The following TRIO variants were observed in gnomAD, a reference collection of about 807,000 sequenced individuals.
The protein encoded by TRIO is triple functional domain protein.
TRIO carries 58 observed loss-of-function variants against 351.9 expected under a neutral mutation model. That is an observed-to-expected ratio of 0.16 (90% CI 0.13 to 0.21). The LOEUF (loss-of-function observed/expected upper bound fraction) is 0.21, where lower values mean the gene tolerates loss of function less well. Among genes scored for constraint, TRIO ranks in the 10% least tolerant of loss-of-function variants. The pLI, the probability that TRIO is intolerant of heterozygous loss-of-function variation, is 1.00. For synonymous variants in TRIO, 1,758 were observed against 1,595.7 expected, an observed-to-expected ratio of 1.10 and a Z score of -2.42; for missense variants, 3,201 against 4,027.8, an observed-to-expected ratio of 0.79 and a Z score of 5.56.
intron 34 of TRIO, among the ~76,000 whole-genome samples, chr5:14,445,772 C>A (rs778305292): frequency 6.6e-5 from 10 of 152,196 alleles, no homozygotes; most frequent in Non-Finnish European, 1.5e-4. Flanking sequence ...TAAGAAGTGG[C>A]CCAAGGGCAC....
At chr5:14,384,585 GA>G (rs1746381430) in intron 21 of TRIO, among the ~76,000 whole-genome samples, 1 of 151,036 alleles carries the variant, frequency 6.6e-6, no homozygotes, top group South Asian at 2.1e-4. Flanking sequence ...AATGGCTTTG[GA>G]AAAAAAATTA....
At chr5:14,290,675 A>C (rs373931418) in intron 4 of TRIO, 41 bp from the exon 5 acceptor site, 73 of 1,541,352 alleles carry the variant, frequency 4.7e-5, no homozygotes, top group Non-Finnish European at 6.2e-5. Flanking sequence ...AACTATATAA[A>C]ATTGGTTCAT....
intron 1 of TRIO, among the ~76,000 whole-genome samples, chr5:14,165,533 C>T (rs1455902313): frequency 6.6e-6 from 1 of 152,252 alleles, no homozygotes; most frequent in East Asian, 1.9e-4. Context: ...GGGTTGACTT[C>T]ATGTCTTTGC....
In TRIO at chr5:14,282,781, C is replaced by CG. The variant is rs367956324; in HGVS notation, c.347+2347dup. ...TACTTGAGTGTGTAGGATGACCCTCCGGCCACTGAACAGTCTCTTCATGTC... is the reference window on the plus strand; with the variant it reads ...TACTTGAGTGTGTAGGATGACCCTCCGGGCCACTGAACAGTCTCTTCATGTC... On this transcript the variant is annotated intron_variant, in intron 3 of 56. Transcript: ENST00000344204. Among the ~76,000 whole-genome samples the CG allele has an allele frequency of 5.6e-4, 86 of 152,224 alleles. 1 individual carries two copies. The highest frequency in any genetic ancestry group is 3.4e-3 in the Middle Eastern group (1 of 294).
intron 1 of TRIO, among the ~76,000 whole-genome samples, chr5:14,170,822 T>C (rs1789057268): frequency 6.6e-6 from 1 of 152,178 alleles, no homozygotes; most frequent in Non-Finnish European, 1.5e-5. Context: ...TAATATATTC[T>C]CTTGAAAGAT....
intron 29 of TRIO, 96 bp from the exon 30 acceptor site, chr5:14,398,784 A>G (rs1476742632): frequency 8.0e-6 from 10 of 1,250,102 alleles, no homozygotes; most frequent in South Asian, 1.5e-5. Flanking sequence ...GCCGATGGGC[A>G]TTTTTAAAAT....
At chr5:14,183,405 T>C (rs1259270674) in intron 1 of TRIO, among the ~76,000 whole-genome samples, 1 of 152,152 alleles carries the variant, frequency 6.6e-6, no homozygotes, top group Non-Finnish European at 1.5e-5. Flanking sequence ...TGAAAAAATA[T>C]GTCCTTGGAG....
intron 37 of TRIO, among the ~76,000 whole-genome samples, chr5:14,470,308 A>T (rs532277076): frequency 1.3e-5 from 2 of 152,198 alleles, no homozygotes; most frequent in African/African-American, 4.8e-5. Flanking sequence ...AGTGTTAGAG[A>T]TTTTAGTTTA....
At position 14,189,545 on chromosome 5, in the gene TRIO, C is replaced by T. The variant is rs566881450; in HGVS notation, c.157+45663C>T. Among the ~76,000 whole-genome samples, 17 of 152,250 alleles carry T rather than the reference C, an allele frequency of 1.1e-4. No individual in the cohort carries two copies. The South Asian group carries it at 3.5e-3, about 32-fold the overall frequency. On this transcript the variant is annotated intron_variant, in intron 1 of 56. Transcript: ENST00000344204. ...CTGGGAGAATGTGTTGGATAATTCT[C>T]ATCTTAGGTTGTACATATATGACCA...
At chr5:14,321,374 T>C (rs111615839) in intron 9 of TRIO, among the ~76,000 whole-genome samples, 1,870 of 152,306 alleles carry the variant, frequency 0.012, 33 homozygotes, top group African/African-American at 0.043. Flanking sequence ...CGATGAGGGT[T>C]TTGGGCCCCT....
chr5:14,270,148 C>T (rs1795899793), intron 1 of TRIO, among the ~76,000 whole-genome samples: 2 of 152,134 alleles, frequency 1.3e-5, no homozygotes, highest in Non-Finnish European at 2.9e-5. Context: ...TACAATATTC[C>T]CACTGGGCCT....
chr5:14,461,189 C>T lies in TRIO; in HGVS notation c.5374C>T (p.His1792Tyr). The T allele has an allele frequency of 6.4e-7, 1 of 1,562,910 alleles. No individual in the cohort carries two copies. The highest frequency in any genetic ancestry group is 8.7e-7 in the Non-Finnish European group (1 of 1,154,446). Residue 1792 changes from histidine (H) to tyrosine (Y), a missense_variant, in exon 35 of 57, where the codon CAC becomes TAC. His to Tyr is a moderately conservative substitution (Grantham distance 83). Transcript: ENST00000344204. ...GCTCAGCAGCGGCAAGGCCGACGGG[C>T]ACGTGAAGAAGCTGGCGCACAAGCA... The part of the protein sequence containing the change: ...RRLSSGKADG[H>Y]VKKLAHKHKK...
chr5:14,499,664 A>G (rs114610013), intron 53 of TRIO, among the ~76,000 whole-genome samples: 2,617 of 152,330 alleles, frequency 0.017, 47 homozygotes, highest in Non-Finnish European at 0.029. Context: ...GTAAACAATA[A>G]AAGGTAAAGA....
At chr5:14,387,399 T>C (rs1265905862) in intron 21 of TRIO, 39 bp from the exon 22 acceptor site, 1 of 1,556,588 alleles carries the variant, frequency 6.4e-7, no homozygotes, top group Non-Finnish European at 8.7e-7. Context: ...GGCAGTCGGA[T>C]TCATTTGCCT....
chr5:14,220,021 G>GT (rs1268117978), intron 1 of TRIO, among the ~76,000 whole-genome samples: 5 of 143,040 alleles, frequency 3.5e-5, no homozygotes, highest in Non-Finnish European at 3.1e-5. Flanking sequence ...ATACTGCGGG[G>GT]TTTTTTTTTC....
At chr5:14,232,516 G>A (rs923673857) in intron 1 of TRIO, among the ~76,000 whole-genome samples, 1 of 152,214 alleles carries the variant, frequency 6.6e-6, no homozygotes, top group African/African-American at 2.4e-5. Context: ...TGGACTCTAA[G>A]CTCCGCAAGG....
intron 4 of TRIO, 21 bp from the exon 5 acceptor site, chr5:14,290,695 C>T (rs548605607): frequency 2.7e-5 from 42 of 1,570,262 alleles, no homozygotes; most frequent in African/African-American, 5.5e-5. Context: ...TCTTCTCATA[C>T]GTGATTTTTT....
chr5:14,390,686 T>C (rs1254545451), intron 26 of TRIO, among the ~76,000 whole-genome samples: 2 of 152,142 alleles, frequency 1.3e-5, no homozygotes, highest in Non-Finnish European at 2.9e-5. Flanking sequence ...AGAGGACTGG[T>C]GCTCAGCCCG....
intron 23 of TRIO, among the ~76,000 whole-genome samples, chr5:14,388,412 T>C (rs1274768491): frequency 6.6e-6 from 1 of 152,206 alleles, no homozygotes; most frequent in Non-Finnish European, 1.5e-5. Flanking sequence ...TGTCGGTACC[T>C]CAGTAAAGTG....
Sources: gnomAD v4.1 joint callset for allele counts (sites outside exome capture counted in the v4.1 genomes callset) on GRCh38, gnomAD v4.1.1 for gene constraint, MANE v1.5 for transcripts, NCBI Gene and HGNC (gene_info 2026-07-23, HGNC 2026-07-21) for gene names.